PPFIBP1: variants seen among roughly 807,000 people sequenced by gnomAD.
PPFIBP1 encodes the protein PPFIB scaffold protein 1.
A neutral mutation model predicts 137.8 loss-of-function variants in PPFIBP1; 112 were observed. The observed-to-expected ratio is 0.81, with a 90% CI of 0.70 to 0.95. The LOEUF is 0.95. Among genes scored for constraint, PPFIBP1 ranks in the 40% least tolerant of loss-of-function variants. The probability of loss-of-function intolerance (pLI) is 0.00; values close to 1 mark genes in which losing one functional copy is unlikely to be tolerated. For missense variants in PPFIBP1, 1,083 were observed against 1,196.6 expected (o/e 0.91, Z 1.40); for synonymous variants, 378 against 417.3 (o/e 0.91, Z 1.15).
At chr12:27,682,781 A>G (rs566677066) in intron 24 of PPFIBP1, 78 bp downstream of exon 24, 296 of 1,602,980 alleles carry the variant, frequency 1.8e-4, no homozygotes, top group Non-Finnish European at 2.3e-4. Context: ...TAAGCCAAAC[A>G]CAGTGTTTTC....
intron 1 of PPFIBP1, among the ~76,000 whole-genome samples, chr12:27,537,283 C>T (rs895618110): frequency 6.6e-6 from 1 of 152,136 alleles, no homozygotes; most frequent in African/African-American, 2.4e-5. Flanking sequence ...AGATGCCTGC[C>T]ACCACGTCCA....
intron 4 of PPFIBP1, among the ~76,000 whole-genome samples, chr12:27,645,427 A>C (rs146092343): frequency 4.4e-4 from 62 of 139,826 alleles, no homozygotes; most frequent in African/African-American, 1.6e-3. Flanking sequence ...GCATAAATAT[A>C]CTGAAACATG....
intron 1 of PPFIBP1, among the ~76,000 whole-genome samples, chr12:27,541,411 GTGAC>G (rs150150055): frequency 0.051 from 7,790 of 152,280 alleles, 267 homozygotes; most frequent in Middle Eastern, 0.11. Flanking sequence ...AAACATCTGA[GTGAC>G]TGAAACCAGC....
chr12:27,667,058 A>C, intron 12 of PPFIBP1, 108 bp from the exon 13 acceptor site: 1 of 1,167,146 alleles, frequency 8.6e-7, no homozygotes, highest in Non-Finnish European at 1.1e-6. Context: ...ATTTTTGAGG[A>C]TCAGAAAAAA....
intron 24 of PPFIBP1, 81 bp downstream of exon 24, chr12:27,682,784 G>A (rs2060954599): frequency 5.0e-6 from 8 of 1,593,550 alleles, no homozygotes; most frequent in Non-Finnish European, 6.8e-6. Flanking sequence ...GCCAAACACA[G>A]TGTTTTCAGT....
intron 2 of PPFIBP1, among the ~76,000 whole-genome samples, chr12:27,582,949 C>T (rs2051292865): frequency 6.6e-6 from 1 of 152,058 alleles, no homozygotes; most frequent in South Asian, 2.1e-4. Context: ...GCTTTTCTTG[C>T]TTGTTGTTTG....
chr12:27,564,243 T>C (rs1290298036), intron 1 of PPFIBP1, among the ~76,000 whole-genome samples: 2 of 152,230 alleles, frequency 1.3e-5, no homozygotes, highest in Admixed American at 6.5e-5. Flanking sequence ...TTTTGGTCTT[T>C]CTTCTTCAAA....
At chr12:27,638,391 G>A (rs1378497760) in intron 4 of PPFIBP1, among the ~76,000 whole-genome samples, 1 of 152,146 alleles carries the variant, frequency 6.6e-6, no homozygotes, top group African/African-American at 2.4e-5. Context: ...TTGTATCTAG[G>A]CAGTTTCAAA....
chr12:27,607,251 G>GC, intron 2 of PPFIBP1, among the ~76,000 whole-genome samples: 1 of 152,332 alleles, frequency 6.6e-6, no homozygotes, highest in East Asian at 1.9e-4. Context: ...ATGGGAAGGA[G>GC]CTCAGAGCCA....
intron 1 of PPFIBP1, among the ~76,000 whole-genome samples, chr12:27,560,784 T>C (rs2049095308): frequency 6.6e-6 from 1 of 152,232 alleles, no homozygotes; most frequent in African/African-American, 2.4e-5. Context: ...ATCCTTGTGA[T>C]CCTGACCATT....
At position 27,679,576 on chromosome 12, in the gene PPFIBP1, A is replaced by G. The variant is rs1368484511; in HGVS notation, c.1703A>G (p.Gln568Arg). Reference sequence around the variant, plus strand: ...GATTCACAGAGGAACAGTCCCTTCCAGATACCGCCTCCATCTCCAGATTCC... The same window carrying G: ...GATTCACAGAGGAACAGTCCCTTCCGGATACCGCCTCCATCTCCAGATTCC... ...PKDSQRNSPF[Q>R]IPPPSPDSKK... is the part of the protein sequence containing the mutation. The change falls in exon 20 of 30, where the codon CAG (glutamine) becomes CGG (arginine). Residue 568 changes from glutamine (Q) to arginine (R), a missense_variant. Physicochemically the swap from Gln to Arg is conservative, Grantham distance 43. Coordinates refer to ENST00000228425, the MANE Select transcript of PPFIBP1 (RefSeq NM_003622.4). 2 of 1,613,798 alleles carry G rather than the reference A, an allele frequency of 1.2e-6. No individual in the cohort carries two copies. The highest frequency in any genetic ancestry group is 1.7e-6 in the Non-Finnish European group (2 of 1,179,770).
chr12:27,609,333 C>T (rs2054848005), intron 2 of PPFIBP1, among the ~76,000 whole-genome samples: 2 of 152,170 alleles, frequency 1.3e-5, no homozygotes, highest in Non-Finnish European at 2.9e-5. Context: ...GAAATGGCAT[C>T]CTCATCTGCT....
chr12:27,609,543 C>T (rs1305877876), intron 2 of PPFIBP1, among the ~76,000 whole-genome samples: 3 of 152,192 alleles, frequency 2.0e-5, no homozygotes, highest in Non-Finnish European at 4.4e-5. Flanking sequence ...CACATCTTCT[C>T]GGGATCCCTT....
At chr12:27,683,138 A>G (rs935439188) in intron 24 of PPFIBP1, among the ~76,000 whole-genome samples, 1 of 152,132 alleles carries the variant, frequency 6.6e-6, no homozygotes, top group Non-Finnish European at 1.5e-5. Context: ...ATCTCAGCTC[A>G]CTGTAACCTC....
chr12:27,603,376 A>G (rs957734205), intron 2 of PPFIBP1, among the ~76,000 whole-genome samples: 6 of 152,124 alleles, frequency 3.9e-5, no homozygotes, highest in Admixed American at 2.6e-4. Context: ...GAGGAGACAA[A>G]CTCCTTCCTC....
chr12:27,556,291 A>G (rs1294555585), intron 1 of PPFIBP1, among the ~76,000 whole-genome samples: 5 of 152,264 alleles, frequency 3.3e-5, no homozygotes, highest in Non-Finnish European at 7.3e-5. Flanking sequence ...TTAATGAAAC[A>G]CATAAATATT....
intron 24 of PPFIBP1, among the ~76,000 whole-genome samples, chr12:27,684,550 C>G (rs1321322978): frequency 6.6e-6 from 1 of 152,144 alleles, no homozygotes; most frequent in African/African-American, 2.4e-5. Flanking sequence ...ATTTGGAGTT[C>G]AGTTCATGGA....
At position 27,538,829 on chromosome 12, in the gene PPFIBP1, C is replaced by A. The variant is rs145704765; in HGVS notation, c.-124+14464C>A. ...TTGGGCTCTGGAGTTAGATGGACCT[C>A]ATTTGTCAAATAGGGGCAGTAATAC... On this transcript the variant is annotated intron_variant, in intron 1 of 29. Transcript: ENST00000228425. Among the ~76,000 whole-genome samples, 305 of 152,338 alleles carry A rather than the reference C, an allele frequency of 2.0e-3. 1 individual carries two copies. Among genetic ancestry groups the A allele is most frequent in the Middle Eastern group, 0.014 (4 of 294 alleles).
intron 24 of PPFIBP1, among the ~76,000 whole-genome samples, chr12:27,683,144 A>G (rs2060981308): frequency 6.6e-6 from 1 of 151,972 alleles, no homozygotes; most frequent in African/African-American, 2.4e-5. Context: ...GCTCACTGTA[A>G]CCTCTACCTC....
Sources: gnomAD v4.1 joint callset for allele counts (sites outside exome capture counted in the v4.1 genomes callset) on GRCh38, gnomAD v4.1.1 for gene constraint, MANE v1.5 for transcripts, NCBI Gene and HGNC (gene_info 2026-07-23, HGNC 2026-07-21) for gene names.